Variants in ADGRL3 observed in about 807,000 individuals in gnomAD.
ADGRL3 encodes adhesion G protein-coupled receptor L3, also known as calcium-independent alpha-latrotoxin receptor 3.
A neutral mutation model predicts 153.5 loss-of-function variants in ADGRL3; 62 were observed. The ratio of observed to expected loss-of-function variants is 0.40; its 90% CI spans 0.33 to 0.50. The LOEUF (loss-of-function observed/expected upper bound fraction) is 0.50. ADGRL3 is among the 20% of genes least tolerant of loss of function. The pLI is 0.47. For synonymous variants in ADGRL3, 710 were observed against 672.5 expected (o/e 1.06, Z -0.86); for missense variants, 1,641 against 1,859.4 (o/e 0.88, Z 2.16).
intron 8 of ADGRL3, among the ~76,000 whole-genome samples, chr4:61,734,179 G>A (rs932924936): frequency 2.3e-4 from 35 of 152,012 alleles, no homozygotes; most frequent in African/African-American, 8.5e-4. Flanking sequence ...CTTTAAAAGT[G>A]CCCCTTTTCC....
chr4:61,390,866 G>C (rs1260481211), intron 2 of ADGRL3, among the ~76,000 whole-genome samples: 1 of 152,128 alleles, frequency 6.6e-6, no homozygotes, highest in African/African-American at 2.4e-5. Context: ...CCACTGGTCT[G>C]TTCTCCATTC....
intron 25 of ADGRL3, among the ~76,000 whole-genome samples, chr4:62,050,893 T>C (rs993690738): frequency 6.6e-6 from 1 of 151,810 alleles, no homozygotes; most frequent in Non-Finnish European, 1.5e-5. Flanking sequence ...CAAATCAGTG[T>C]AACCAAATAA....
At chr4:62,062,857 G>C (rs1740932662) in intron 25 of ADGRL3, among the ~76,000 whole-genome samples, 2 of 151,976 alleles carry the variant, frequency 1.3e-5, no homozygotes, top group Admixed American at 1.3e-4. Context: ...GCATCTATAT[G>C]TTTTTTATCA....
chr4:61,717,209 TGTGTGTGTGTGC>T (rs1194865295), intron 6 of ADGRL3, among the ~76,000 whole-genome samples: 296 of 105,218 alleles, frequency 2.8e-3, no homozygotes, highest in African/African-American at 0.011. Context: ...TGTGTGTGTG[TGTGTGTGTGTGC>T]GTGTGTGTGT....
At chr4:61,874,434 A>G (rs1294075137) in intron 9 of ADGRL3, among the ~76,000 whole-genome samples, 2 of 152,094 alleles carry the variant, frequency 1.3e-5, no homozygotes, top group African/African-American at 4.8e-5. Context: ...AATCACATAC[A>G]TCCCACCACC....
chr4:61,924,049 A>T (rs1210626122), intron 13 of ADGRL3, among the ~76,000 whole-genome samples: 2 of 151,898 alleles, frequency 1.3e-5, no homozygotes, highest in Non-Finnish European at 2.9e-5. Context: ...TCTCCCTTAA[A>T]TTCACCTCCT....
rs139307371 is a variant in ADGRL3, at chr4:61,657,570, C to T, written c.474-19256C>T. Among the ~76,000 whole-genome samples the T allele has an allele frequency of 1.3e-4, 20 of 151,636 alleles. No individual in the cohort carries two copies. In the East Asian group the frequency reaches 3.7e-3, roughly 28 times the overall value. On this transcript the variant is annotated intron_variant, in intron 5 of 26. Coordinates refer to ENST00000683033, the MANE Select transcript of ADGRL3 (RefSeq NM_001387552.1). ...GGATATAAAAATTCTCATTTAACAC[C>T]AAGAGTCAACAAACAAAATTGTCTT...
intron 4 of ADGRL3, among the ~76,000 whole-genome samples, chr4:61,542,107 G>A (rs977657135): frequency 1.2e-4 from 19 of 152,086 alleles, no homozygotes; most frequent in African/African-American, 4.3e-4. Context: ...AGAGATGACT[G>A]TGTGACTATA....
chr4:61,553,001 C>G (rs1164319652), intron 4 of ADGRL3, among the ~76,000 whole-genome samples: 1 of 152,100 alleles, frequency 6.6e-6, no homozygotes, highest in African/African-American at 2.4e-5. Flanking sequence ...CAATCTCCAC[C>G]TAGTAGTCAG....
At chr4:61,847,610 AT>A (rs1321634669) in intron 9 of ADGRL3, among the ~76,000 whole-genome samples, 3 of 63,458 alleles carry the variant, frequency 4.7e-5, no homozygotes, top group East Asian at 1.1e-3. Context: ...TATATAATAT[AT>A]TATATATATA....
intron 5 of ADGRL3, among the ~76,000 whole-genome samples, chr4:61,588,777 G>T (rs1165595633): frequency 1.3e-5 from 2 of 152,104 alleles, no homozygotes; most frequent in Middle Eastern, 3.4e-3. Context: ...TTGTGTGTAG[G>T]TATTGTAATG....
At chr4:61,702,768 A>G (rs940316909) in intron 6 of ADGRL3, among the ~76,000 whole-genome samples, 1 of 152,134 alleles carries the variant, frequency 6.6e-6, no homozygotes, top group Non-Finnish European at 1.5e-5. Flanking sequence ...GTCCTCTTAA[A>G]TGAATCATCA....
At chr4:61,774,923 A>G (rs2097130237) in intron 8 of ADGRL3, among the ~76,000 whole-genome samples, 1 of 152,128 alleles carries the variant, frequency 6.6e-6, no homozygotes. Flanking sequence ...TGTAGTTAGT[A>G]AGGTTTATTA....
At position 61,732,883 on chromosome 4, in the gene ADGRL3, C is replaced by A. The variant is rs961631696; in HGVS notation, c.728C>A (p.Thr243Asn). 6.2e-7 allele frequency: 1 copy of A among 1,613,654 alleles called. No individual in the cohort carries two copies. The highest frequency in any genetic ancestry group is 8.5e-7 in the Non-Finnish European group (1 of 1,179,796). The change falls in exon 8 of 27, where the codon ACT becomes AAT. Residue 243 changes from threonine to asparagine, a missense_variant. Transcript: ENST00000683033. The stretch of plus-strand genomic sequence containing the variant: ...GACAAGATTTATTATATGCCCTGGA[C>A]TCCCTACAGAACTGATACCCTGACT... ...ASDKIYYMPWTPYRTDTLTEY... is the reference protein window; with the variant it reads ...ASDKIYYMPWNPYRTDTLTEY...
intron 21 of ADGRL3, among the ~76,000 whole-genome samples, chr4:62,003,744 T>G (rs574956927): frequency 6.6e-6 from 1 of 152,276 alleles, no homozygotes; most frequent in South Asian, 2.1e-4. Context: ...TTGTTTACCA[T>G]ATGGTATCAT....
chr4:61,579,627 GA>G (rs748745432), intron 4 of ADGRL3: 1 of 511,946 alleles, frequency 2.0e-6, no homozygotes, highest in Non-Finnish European at 3.9e-6. Flanking sequence ...TAAGTCAAAA[GA>G]ATAGCTGCTT....
chr4:61,908,734 A>G (rs1282307567), intron 11 of ADGRL3, among the ~76,000 whole-genome samples: 7 of 151,722 alleles, frequency 4.6e-5, no homozygotes, highest in Admixed American at 4.6e-4. Flanking sequence ...GTTTTAGTTT[A>G]TTAATTTTAA....
chr4:61,624,450 G>T (rs2092714224), intron 5 of ADGRL3, among the ~76,000 whole-genome samples: 1 of 152,066 alleles, frequency 6.6e-6, no homozygotes, highest in Non-Finnish European at 1.5e-5. Context: ...AAGAAAACCT[G>T]GAAGAAGAAC....
intron 23 of ADGRL3, 127 bp from the exon 24 acceptor site, chr4:62,037,603 AC>A (rs1725789544): frequency 2.0e-6 from 2 of 1,008,264 alleles, no homozygotes; most frequent in African/African-American, 1.6e-5. Flanking sequence ...TGCTGAACAG[AC>A]TTTCTTACAT....
Sources: gnomAD v4.1 joint callset for allele counts (sites outside exome capture counted in the v4.1 genomes callset) on GRCh38, gnomAD v4.1.1 for gene constraint, MANE v1.5 for transcripts, NCBI Gene and HGNC (gene_info 2026-07-23, HGNC 2026-07-21) for gene names.